The following PLCB2 variants were observed in gnomAD, a reference collection of about 807,000 sequenced individuals.
PLCB2 encodes 1-phosphatidylinositol 4,5-bisphosphate phosphodiesterase beta-2.
In PLCB2, 115 loss-of-function variants were observed where a neutral mutation model predicts 141.7. The ratio of observed to expected loss-of-function variants is 0.81; its 90% confidence interval spans 0.70 to 0.95. The LOEUF is 0.95. Ranked by LOEUF, PLCB2 falls within the 40% of genes least tolerant of loss-of-function variation. The pLI, the probability that PLCB2 is intolerant of heterozygous loss-of-function variation, is 0.00. For synonymous variants in PLCB2, 603 were observed against 595.6 expected, an observed-to-expected ratio of 1.01 and a Z score of -0.18; for missense variants, 1,403 against 1,541.1, an observed-to-expected ratio of 0.91 and a Z score of 1.50.
In PLCB2 at chr15:40,288,802, C is replaced by T. The variant is rs1162570142; in HGVS notation, c.3471G>A (p.Lys1157=). Residue 1157 remains lysine, a synonymous_variant, in exon 32 of 32, where the codon AAG becomes AAA. Coordinates refer to ENST00000260402, the MANE Select transcript of PLCB2 (RefSeq NM_004573.3). ...RTCFPSEAKD[K]PERACECPPE... ...GGGGGCACTCGCAGGCCCTCTCAGG[C>T]TTGTCCTTGGCCTCGGAGGGAAAGC... The T allele has an allele frequency of 1.9e-6, 3 of 1,613,984 alleles. No homozygotes were observed. The highest frequency in any genetic ancestry group is 1.7e-6 in the Non-Finnish European group (2 of 1,179,842).
chr15:40,298,310 C>G lies in PLCB2; in HGVS notation c.1068G>C (p.Val356=). 1 of 1,607,682 alleles carries G rather than the reference C, an allele frequency of 6.2e-7. No individual in the cohort carries two copies. Among genetic ancestry groups the G allele is most frequent in the Non-Finnish European group, 8.5e-7 (1 of 1,175,710 alleles). The part of the protein sequence containing the change: ...RQVLLSGCRC[V]ELDCWKGKPP... ...GTTTCCCCTTCCAGCAGTCTAGCTC[C>G]ACGCAACGGCAGCCAGAGAGCAGCA... is the stretch of plus-strand genomic sequence containing the variant. Residue 356 remains valine, a synonymous_variant, in exon 11 of 32, where the codon GTG becomes GTC. Coordinates refer to ENST00000260402, the MANE Select transcript of PLCB2 (RefSeq NM_004573.3).
rs747174828 is a variant in PLCB2 at position 40,304,025 on chromosome 15, G to A, written c.138C>T (p.Tyr46=). Reference sequence around the variant, plus strand: ...CCTTACTTTGATACGTCCAGTATAAGTAGTAGCCCTTAGGATCCACACGGA... The same window carrying A: ...CCTTACTTTGATACGTCCAGTATAAATAGTAGCCCTTAGGATCCACACGGA... ...VILRVDPKGY[Y]LYWTYQSKEM... The change falls in exon 2 of 32, where the codon TAC becomes TAT. Residue 46 remains tyrosine, a synonymous_variant. Transcript: ENST00000260402. 1.5e-5 allele frequency: 24 copies of A among 1,597,746 alleles called. No individual in the cohort carries two copies. The highest frequency in any genetic ancestry group is 2.0e-5 in the Non-Finnish European group (23 of 1,171,970).
chr15:40,294,547 C>A, intron 18 of PLCB2, 127 bp from the exon 19 acceptor site: 1 of 909,098 alleles, frequency 1.1e-6, no homozygotes, highest in Non-Finnish European at 1.7e-6. Context: ...AGGATGAGGG[C>A]TTCTCCTGTC....
Position 40,297,840 on chromosome 15 carries a change from T to G in PLCB2, c.1238+37A>C. On this transcript the variant is annotated intron_variant, in intron 12 of 31. Transcript: ENST00000260402. This position sits in a 1 kb window ranked among gnomAD's most constrained non-coding sequence, Gnocchi z 4.2. ...CAGTTGCAGACAGGAGACTGGGGGC[T>G]GGGTGAGAATGTGGCTGAATGGGCC... 1 of 1,515,928 alleles carries G rather than the reference T, an allele frequency of 6.6e-7. No individual in the cohort carries two copies. The highest frequency in any genetic ancestry group is 1.1e-5 in the South Asian group (1 of 88,722). The allele number at this position is 1,515,928 out of a possible 1,614,324, so 93.9% of individuals were successfully genotyped here. A position where few individuals can be genotyped will look rare whatever the true frequency, so the allele number is the denominator to read the frequency against.
Position 40,302,000 on chromosome 15 carries a change from C to T in PLCB2, c.539G>A (p.Arg180Gln), listed in dbSNP as rs749786634. The change falls in exon 7 of 32, where the codon CGG (arginine) becomes CAG (glutamine). Residue 180 changes from arginine to glutamine, a missense_variant. Arg to Gln is a conservative substitution (Grantham distance 43). Around this residue, in one of 4 missense-constraint regions of PLCB2, gnomAD observed 975 missense variants for 1,141.1 expected, o/e 0.85. Transcript: ENST00000260402. ...GCAGGCACTGAGAGCAGCTTCCACCCGCTTGCGGTCAGCAGGAAACATCTG... is the reference window on the plus strand; with the variant it reads ...GCAGGCACTGAGAGCAGCTTCCACCTGCTTGCGGTCAGCAGGAAACATCTG... ...FFQMFPADRK[R>Q]VEAALSACHL... 7.4e-6 allele frequency: 12 copies of T among 1,614,028 alleles called. No homozygotes were observed. The South Asian group carries it at 7.7e-5, about 10-fold the overall frequency.
At chr15:40,286,068 G>C (rs1309523070), downstream of PLCB2, 25 of 983,046 alleles carry the variant, frequency 2.5e-5, no homozygotes, top group Non-Finnish European at 3.0e-5. Flanking sequence ...TATGGGCTCA[G>C]TATGTTCTGA....
chr15:40,302,990 G>A (rs1285072402), intron 3 of PLCB2, among the ~76,000 whole-genome samples: 1 of 152,202 alleles, frequency 6.6e-6, no homozygotes, highest in Non-Finnish European at 1.5e-5. Context: ...GTCCGGGGGT[G>A]GGGGTGTAAG....
In PLCB2 at chr15:40,297,223, C is replaced by A. The variant is rs2040269288; in HGVS notation, c.1323+298G>T. Among the ~76,000 whole-genome samples the A allele has an allele frequency of 6.6e-6, 1 of 152,112 alleles. No homozygotes were observed. Among genetic ancestry groups the A allele is most frequent in the African/African-American group, 2.4e-5 (1 of 41,398 alleles). ...GGAAGCCTTCCCTGATCCCCAAGAC[C>A]AGATCAGAACTCCCCAGGTGCTCCC... On this transcript the variant is annotated intron_variant, in intron 13 of 31. Transcript: ENST00000260402. The surrounding 1 kb of genome is among the most constrained non-coding windows in gnomAD (Gnocchi z 4.2).
rs1366289554 is a variant in PLCB2 at position 40,304,026 on chromosome 15, T to G, written c.137A>C (p.Tyr46Ser). 2 of 1,597,754 alleles carry G rather than the reference T, an allele frequency of 1.3e-6. No individual in the cohort carries two copies. The highest frequency in any genetic ancestry group is 4.5e-5 in the East Asian group (2 of 44,446). Residue 46 changes from tyrosine (Y) to serine (S), a missense_variant, in exon 2 of 32, where the codon TAC becomes TCC. By Grantham distance (144) the Tyr-to-Ser change is moderately radical (BLOSUM62 -2). Around this residue, in one of 4 missense-constraint regions of PLCB2, gnomAD observed 975 missense variants for 1,141.1 expected, o/e 0.85. Transcript: ENST00000260402. ...VILRVDPKGY[Y>S]LYWTYQSKEM... ...CTTACTTTGATACGTCCAGTATAAG[T>G]AGTAGCCCTTAGGATCCACACGGAG...
intron 1 of PLCB2, among the ~76,000 whole-genome samples, chr15:40,305,490 C>A (rs567581286): frequency 2.0e-5 from 3 of 152,226 alleles, no homozygotes; most frequent in African/African-American, 7.2e-5. Context: ...GTTGGACAAG[C>A]CTGCACCCTT....
At position 40,294,287 on chromosome 15, in the gene PLCB2, C is replaced by A. The variant is rs373578366; in HGVS notation, c.2040G>T (p.Val680=). The stretch of plus-strand genomic sequence containing the variant: ...TTGCCGTAATGGAAAGGGTGGTGGC[C>A]ACCACCACGTCGATGCGGTCCACTG... ...PFSVDRIDVV[V]ATTLSITVIS... The change falls in exon 19 of 32, where the codon GTG becomes GTT. Residue 680 remains valine, a synonymous_variant. Transcript: ENST00000260402. 14 of 1,613,944 alleles carry A rather than the reference C, an allele frequency of 8.7e-6. No individual in the cohort carries two copies. Among genetic ancestry groups the A allele is most frequent in the Non-Finnish European group, 1.2e-5 (14 of 1,180,010 alleles).
At chr15:40,300,383 G>A (rs996844395) in intron 7 of PLCB2, among the ~76,000 whole-genome samples, 1 of 152,212 alleles carries the variant, frequency 6.6e-6, no homozygotes, top group Non-Finnish European at 1.5e-5. Context: ...TTCTCAAATT[G>A]TTAAATATAG....
At chr15:40,303,818 G>A in intron 2 of PLCB2, 183 bp downstream of exon 2, 1 of 570,270 alleles carries the variant, frequency 1.8e-6, no homozygotes. Context: ...CCACAGGTTG[G>A]AGTGACTGCA....
rs1169345126 is a variant in PLCB2 at position 40,298,831 on chromosome 15, T to C, written c.817A>G (p.Lys273Glu). Residue 273 changes from lysine to glutamate, a missense_variant, in exon 9 of 32, where the codon AAG becomes GAG. Physicochemically the swap from Lys to Glu is moderately conservative, Grantham distance 56 (BLOSUM62 1). Transcript: ENST00000260402. ...RPDQVQGLID[K>E]YEPSGINAQR... is the part of the protein sequence containing the mutation. ...GCATTGATGCCACTGGGCTCATACT[T>C]GTCGATGAGGCCCTGCACCTGGTCA... The C allele has an allele frequency of 5.0e-6, 8 of 1,613,802 alleles. No homozygotes were observed. Among genetic ancestry groups the C allele is most frequent in the Non-Finnish European group, 6.8e-6 (8 of 1,179,974 alleles).
At chr15:40,306,876 T>C (rs1157847779) in intron 1 of PLCB2, among the ~76,000 whole-genome samples, 1 of 152,116 alleles carries the variant, frequency 6.6e-6, no homozygotes, top group Non-Finnish European at 1.5e-5. Flanking sequence ...TGGCCTAAGG[T>C]AACATTTTCA....
chr15:40,303,761 G>C (rs995290258), intron 2 of PLCB2: 3 of 521,768 alleles, frequency 5.7e-6, no homozygotes, highest in African/African-American at 3.8e-5. Flanking sequence ...GCTTTCGCCT[G>C]TCTCTCTCTC....
Position 40,288,115 on chromosome 15 carries a change from A to G in PLCB2, c.*600T>C. The G allele has an allele frequency of 1.0e-6, 1 of 985,514 alleles. No individual in the cohort carries two copies. Among genetic ancestry groups the G allele is most frequent in the Non-Finnish European group, 1.2e-6 (1 of 829,976 alleles). The allele number at this position is 985,514 out of a possible 1,614,324, so 61.0% of individuals were successfully genotyped here. A position where few individuals can be genotyped will look rare whatever the true frequency, so the allele number is the denominator to read the frequency against. ...AAGAGCCCACTGCCCCTTGTGACTC[A>G]GCCAAGCAGGGCCAAGGCAGCTTTT... On this transcript the variant is annotated 3_prime_UTR_variant, in exon 32 of 32. Transcript: ENST00000260402.
intron 22 of PLCB2, 67 bp from the exon 23 acceptor site, chr15:40,292,225 C>T (rs2039978024): frequency 7.2e-6 from 11 of 1,518,908 alleles, no homozygotes; most frequent in Non-Finnish European, 1.0e-5. Flanking sequence ...CTCCCCTGTC[C>T]TCACCCACTC....
rs759876054 is a variant in PLCB2 at position 40,307,608 on chromosome 15, C to T, written c.65G>A (p.Arg22His). ...ACTTACATCATCCCATTTGATGAAG[C>T]GCTCCCCTTGGCTCAGATAGGCCTT... is the stretch of plus-strand genomic sequence containing the variant. ...KVKAYLSQGE[R>H]FIKWDDETTV... The change falls in exon 1 of 32, where the codon CGC becomes CAC. Residue 22 changes from arginine (R) to histidine (H), a missense_variant. Arg to His is a conservative substitution (Grantham distance 29). Around this residue, in one of 4 missense-constraint regions of PLCB2, gnomAD observed 975 missense variants for 1,141.1 expected, o/e 0.85. Transcript: ENST00000260402. 1.1e-5 allele frequency: 18 copies of T among 1,587,370 alleles called. No homozygotes were observed. Among genetic ancestry groups the T allele is most frequent in the South Asian group, 8.0e-5 (7 of 87,210 alleles).
Sources: gnomAD v4.1 joint callset for allele counts (sites outside exome capture counted in the v4.1 genomes callset) on GRCh38, gnomAD v4.1.1 for gene constraint, gnomAD v4.1.1 regional missense constraint, Gnocchi (gnomAD v3.1) non-coding constraint, MANE v1.5 for transcripts, NCBI Gene and HGNC (gene_info 2026-07-23, HGNC 2026-07-21) for gene names.